NRXN1: variants seen among roughly 807,000 people sequenced by gnomAD.
NRXN1 encodes neurexin 1.
A neutral mutation model predicts 150.9 loss-of-function variants in NRXN1; 39 were observed. That is an observed-to-expected ratio of 0.26 (90% CI 0.20 to 0.34). NRXN1 has a LOEUF of 0.34. Among genes scored for constraint, NRXN1 ranks in the 10% least tolerant of loss-of-function variants. The pLI, the probability that NRXN1 is intolerant of heterozygous loss-of-function variation, is 1.00. For synonymous variants in NRXN1, 924 were observed against 757.0 expected (o/e 1.22, Z -3.62); for missense variants, 1,815 against 1,949.9 (o/e 0.93, Z 1.30).
At chr2:50,812,723 A>AGTGT (rs143701404) in intron 5 of NRXN1, among the ~76,000 whole-genome samples, 15,463 of 145,972 alleles carry the variant, frequency 0.11, 932 homozygotes, top group Middle Eastern at 0.14. Flanking sequence ...AAATAATAAG[A>AGTGT]GTGTGTGTGT....
At chr2:50,627,141 G>A (rs968700033) in intron 5 of NRXN1, among the ~76,000 whole-genome samples, 4 of 151,778 alleles carry the variant, frequency 2.6e-5, no homozygotes, top group Admixed American at 1.3e-4. Context: ...TGCTGATGCT[G>A]ATAAGATAAA....
intron 5 of NRXN1, among the ~76,000 whole-genome samples, chr2:50,876,135 C>T (rs950647924): frequency 1.3e-5 from 2 of 151,780 alleles, no homozygotes; most frequent in African/African-American, 2.4e-5. Flanking sequence ...GGCATGATCC[C>T]AAGTAAAGAT....
chr2:50,948,231 T>C (rs1462958794), intron 2 of NRXN1, among the ~76,000 whole-genome samples: 1 of 151,992 alleles, frequency 6.6e-6, no homozygotes, highest in Non-Finnish European at 1.5e-5. Context: ...CATCTGAATA[T>C]TGACAACTTT....
chr2:50,050,007 TAAA>T, intron 21 of NRXN1, among the ~76,000 whole-genome samples: 1 of 152,120 alleles, frequency 6.6e-6, no homozygotes, highest in Admixed American at 6.6e-5. Flanking sequence ...GTAATCCACA[TAAA>T]AAGTACTATC....
chr2:50,222,189 C>G (rs778199522), intron 18 of NRXN1, among the ~76,000 whole-genome samples: 2 of 151,912 alleles, frequency 1.3e-5, no homozygotes, highest in African/African-American at 4.8e-5. Flanking sequence ...TGAAAAGAGC[C>G]GCATGCTTCA....
At chr2:50,707,653 T>G (rs1048368386) in intron 5 of NRXN1, among the ~76,000 whole-genome samples, 1 of 152,140 alleles carries the variant, frequency 6.6e-6, no homozygotes, top group Admixed American at 6.6e-5. Flanking sequence ...ACTGCAGAAC[T>G]CCTTGCCATT....
At chr2:50,046,467 G>C (rs183485899) in intron 21 of NRXN1, among the ~76,000 whole-genome samples, 1 of 152,216 alleles carries the variant, frequency 6.6e-6, no homozygotes, top group East Asian at 1.9e-4. Context: ...AATTTACAGT[G>C]TGTACCTGAA....
intron 22 of NRXN1, among the ~76,000 whole-genome samples, chr2:49,933,658 A>G (rs973726747): frequency 0.041 from 3 of 74 alleles, no homozygotes; most frequent in Non-Finnish European, 0.053. Flanking sequence ...AATTATTTAT[A>G]TCCCAGGGGT....
intron 5 of NRXN1, among the ~76,000 whole-genome samples, chr2:50,761,119 T>C (rs532942571): frequency 6.6e-6 from 1 of 151,980 alleles, no homozygotes; most frequent in Non-Finnish European, 1.5e-5. Flanking sequence ...CCCAACAAGG[T>C]TGAGTAGGCT....
At chr2:50,138,829 T>A (rs1392247013) in intron 18 of NRXN1, among the ~76,000 whole-genome samples, 1 of 152,144 alleles carries the variant, frequency 6.6e-6, no homozygotes, top group African/African-American at 2.4e-5. Context: ...GGACCAATGG[T>A]CCCTTTAGTT....
intron 21 of NRXN1, among the ~76,000 whole-genome samples, chr2:49,974,373 C>A (rs1329649014): frequency 6.6e-6 from 1 of 152,060 alleles, no homozygotes; most frequent in Non-Finnish European, 1.5e-5. Flanking sequence ...CTAACGAGAC[C>A]GCATAGGTAA....
chr2:50,485,128 T>G (rs935355324), intron 15 of NRXN1, among the ~76,000 whole-genome samples: 2 of 152,192 alleles, frequency 1.3e-5, no homozygotes, highest in Non-Finnish European at 2.9e-5. Context: ...AATAATTCAC[T>G]GATCTAATTG....
At chr2:50,411,923 G>A (rs2083214166) in intron 17 of NRXN1, among the ~76,000 whole-genome samples, 1 of 152,218 alleles carries the variant, frequency 6.6e-6, no homozygotes, top group Non-Finnish European at 1.5e-5. Context: ...TACTGTGTCT[G>A]TGTAGAAAGA....
intron 17 of NRXN1, among the ~76,000 whole-genome samples, chr2:50,396,648 C>T (rs1439937808): frequency 5.3e-5 from 8 of 151,930 alleles, no homozygotes; most frequent in East Asian, 3.9e-4. Context: ...ACCTACTGTG[C>T]GAAGGAGGCA....
At chr2:49,969,272 T>C (rs1002261039) in intron 21 of NRXN1, among the ~76,000 whole-genome samples, 1 of 152,072 alleles carries the variant, frequency 6.6e-6, no homozygotes, top group African/African-American at 2.4e-5. Flanking sequence ...GCTGTGCTAA[T>C]GGAGGGATGC....
rs369106747 is a variant in NRXN1 at position 50,122,655 on chromosome 2, G to C, written c.3547-31161C>G. Among the ~76,000 whole-genome samples, 37 of 152,328 alleles carry C rather than the reference G, an allele frequency of 2.4e-4. No individual in the cohort carries two copies. The South Asian group carries it at 7.5e-3, about 31-fold the overall frequency. ...TCAGTGTGTTCCATAACCCTTGCTAGCACAAAGACTCATTTCCAGCTCCCA... is the reference window on the plus strand; with the variant it reads ...TCAGTGTGTTCCATAACCCTTGCTACCACAAAGACTCATTTCCAGCTCCCA... On this transcript the variant is annotated intron_variant, in intron 18 of 22. Transcript: ENST00000401669.
intron 19 of NRXN1, among the ~76,000 whole-genome samples, chr2:50,065,513 T>C (rs1456196239): frequency 1.3e-5 from 2 of 152,172 alleles, no homozygotes; most frequent in African/African-American, 2.4e-5. Flanking sequence ...ATCGCCCTTA[T>C]GGACACATGA....
Position 50,509,209 on chromosome 2 carries a change from C to G in NRXN1, c.2375-2592G>C, listed in dbSNP as rs145890364. ...CCTGCATGCTTTTCCCTGCATTATT[C>G]AGCCTCGTAGTTATGAGAATCTTTG... On this transcript the variant is annotated intron_variant, in intron 12 of 22. Transcript: ENST00000401669. 2.1e-3 allele frequency among the ~76,000 whole-genome samples: 323 copies of G among 152,298 alleles called. 1 individual carries two copies. The highest frequency in any genetic ancestry group is 7.4e-3 in the African/African-American group (308 of 41,560).
At chr2:50,711,457 T>C (rs1302932291) in intron 5 of NRXN1, among the ~76,000 whole-genome samples, 6 of 150,668 alleles carry the variant, frequency 4.0e-5, no homozygotes, top group Non-Finnish European at 8.9e-5. Context: ...TGTCTCAGCC[T>C]CCTGAGTAGC....
Sources: allele counts gnomAD v4.1 joint callset (sites outside exome capture counted in the v4.1 genomes callset), GRCh38; gene constraint gnomAD v4.1.1; transcripts MANE v1.5; gene names NCBI Gene and HGNC (gene_info 2026-07-23, HGNC 2026-07-21).